MEFV: variants seen among roughly 807,000 people sequenced by gnomAD.
The protein encoded by MEFV is MEFV innate immunity regulator, pyrin.
Under a neutral mutation model 62.5 loss-of-function variants are expected in MEFV, and 60 were observed. The observed-to-expected ratio is 0.96, with a 90% CI of 0.78 to 1.19. MEFV has a LOEUF of 1.19. MEFV is among the 50% of genes most tolerant of loss of function. MEFV has a pLI of 0.00. For missense variants in MEFV, 1,169 were observed against 1,004.5 expected (o/e 1.16, Z -2.21); for synonymous variants, 500 against 415.2 (o/e 1.20, Z -2.48).
intron 2 of MEFV, among the ~76,000 whole-genome samples, chr16:3,251,729 C>A (rs1245035110): frequency 6.6e-6 from 1 of 152,140 alleles, no homozygotes; most frequent in Non-Finnish European, 1.5e-5. Flanking sequence ...GTATTTTTAA[C>A]CAGTCTTCCC....
At chr16:3,254,126 G>C in intron 2 of MEFV, 32 bp downstream of exon 2, 2 of 1,610,126 alleles carry the variant, frequency 1.2e-6, no homozygotes, top group Non-Finnish European at 1.7e-6. Context: ...TTTCTCTGCA[G>C]CCGATATAAA....
In MEFV at chr16:3,243,858, AC is replaced by A; in HGVS notation, c.1792+1del. 1.9e-6 allele frequency: 3 copies of A among 1,613,802 alleles called. No individual in the cohort carries two copies. Among genetic ancestry groups the A allele is most frequent in the Non-Finnish European group, 2.5e-6 (3 of 1,179,882 alleles). On this transcript the variant is annotated splice_donor_variant, in intron 9 of 9. Transcript: ENST00000219596. LOFTEE classifies it high-confidence loss of function. ...GCCACTTGCCTTGATCTGGGCACTT[AC>A]CAGCATGTGCCTGAGCGCCAATCAG...
intron 2 of MEFV, among the ~76,000 whole-genome samples, chr16:3,252,293 G>A: frequency 7.2e-6 from 1 of 139,038 alleles, no homozygotes; most frequent in Non-Finnish European, 1.5e-5. Context: ...TTTTTTTTGA[G>A]ACAGAGTTTT....
Position 3,246,920 on chromosome 16 carries a change from C to A in MEFV, c.1587+96G>T, listed in dbSNP as rs142314576. On this transcript the variant is annotated intron_variant, in intron 5 of 9. Transcript: ENST00000219596. The stretch of plus-strand genomic sequence containing the variant: ...CCTATCCTAGGCCTTAGGGGCTTCA[C>A]CCACTTGTTCCAGCACGGCTGATGG... 477 of 1,216,748 alleles carry A rather than the reference C, an allele frequency of 3.9e-4. 5 individuals are homozygous for A. In the East Asian group the frequency reaches 0.011, roughly 28 times the overall value. 75.4% of individuals were successfully genotyped at this position (1,216,748 alleles called of 1,614,324 possible).
At chr16:3,244,231 C>A (rs1217359234) in intron 8 of MEFV, 23 bp downstream of exon 8, 1 of 1,613,874 alleles carries the variant, frequency 6.2e-7, no homozygotes, top group South Asian at 1.1e-5. Flanking sequence ...CAGGCCAGCA[C>A]ACACCATTAC....
chr16:3,253,197 A>G (rs1959062659), intron 2 of MEFV, among the ~76,000 whole-genome samples: 1 of 152,106 alleles, frequency 6.6e-6, no homozygotes. Flanking sequence ...GCAAACTGGA[A>G]GAGGTGACTT....
chr16:3,251,900 A>T, intron 2 of MEFV: 1 of 274,640 alleles, frequency 3.6e-6, no homozygotes, highest in South Asian at 3.2e-5. Context: ...GCCCTAGAAG[A>T]CACCCAGGAA....
At chr16:3,247,974 C>G (rs527977993) in intron 4 of MEFV, 24 of 146,408 alleles carry the variant, frequency 1.6e-4, no homozygotes, top group African/African-American at 6.0e-4. Flanking sequence ...AACAAAAAAA[C>G]CAGCCCAGGC....
intron 1 of MEFV, among the ~76,000 whole-genome samples, chr16:3,255,154 T>C (rs572787694): frequency 1.1e-4 from 17 of 152,088 alleles, no homozygotes; most frequent in Admixed American, 1.0e-3. Flanking sequence ...CCGTTCCTAC[T>C]AAAAATAAGA....
At chr16:3,251,917 T>A (rs1206446414) in intron 2 of MEFV, 1 of 287,460 alleles carries the variant, frequency 3.5e-6, no homozygotes, top group Non-Finnish European at 7.4e-6. Context: ...GGAATCCCAA[T>A]GATATAAATA....
In MEFV at chr16:3,254,458, G is replaced by T. The variant is rs761031246; in HGVS notation, c.610C>A (p.Arg204Ser). The T allele has an allele frequency of 6.2e-7, 1 of 1,606,052 alleles. No individual in the cohort carries two copies. The highest frequency in any genetic ancestry group is 1.7e-5 in the Admixed American group (1 of 59,414). The change falls in exon 2 of 10, where the codon CGC becomes AGC. Residue 204 changes from arginine to serine, a missense_variant. Arg to Ser is a moderately radical substitution (Grantham distance 110). Coordinates refer to ENST00000219596, the MANE Select transcript of MEFV (RefSeq NM_000243.3). ...LEGGQAEVRLRRNASSAGRLQ... is the reference protein window; with the variant it reads ...LEGGQAEVRLSRNASSAGRLQ... The stretch of plus-strand genomic sequence containing the variant: ...CTCCCCGCGGAGCTGGCGTTTCTGC[G>T]CAGCCGGACCTCGGCCTGGCCCCCC...
chr16:3,250,064 C>T (rs1959010614), intron 2 of MEFV, among the ~76,000 whole-genome samples: 1 of 152,188 alleles, frequency 6.6e-6, no homozygotes, highest in African/African-American at 2.4e-5. Flanking sequence ...TCCTCCTGCA[C>T]AGACATAGAT....
In MEFV at chr16:3,254,573, G is replaced by T. The variant is rs224223; in HGVS notation, c.495C>A (p.Ala165=). 717,646 of 1,577,888 alleles carry T rather than the reference G, an allele frequency of 0.45. 169,953 individuals are homozygous for T. The highest frequency in any genetic ancestry group is 0.59 in the Admixed American group (32,682 of 55,184). ...RKPLSKRREK[A]SEGLDAQGKP... The stretch of plus-strand genomic sequence containing the variant: ...TGCCCTGCGCGTCCAGGCCCTCCGA[G>T]GCCTTCTCTCTGCGTTTGCTCAGGG... The change falls in exon 2 of 10, where the codon GCC becomes GCA. Residue 165 remains alanine, a synonymous_variant. Coordinates refer to ENST00000219596, the MANE Select transcript of MEFV (RefSeq NM_000243.3).
chr16:3,251,064 A>G (rs1959025865), intron 2 of MEFV, among the ~76,000 whole-genome samples: 1 of 150,724 alleles, frequency 6.6e-6, no homozygotes, highest in African/African-American at 2.4e-5. Flanking sequence ...AAACACACTC[A>G]ATCCTTTAGC....
Position 3,243,532 on chromosome 16 carries a change from C to T in MEFV, c.1955G>A (p.Arg652His), listed in dbSNP as rs766778566. The part of the protein sequence containing the change: ...VLGSPSFLSG[R>H]RYWEVEVGDK... ...TCCAACCTCCACCTCCCAGTAACGG[C>T]GGCCAGAGAGGAAACTCGGAGAGCC... Residue 652 changes from arginine to histidine, a missense_variant, in exon 10 of 10, where the codon CGC becomes CAC. Physicochemically the swap from Arg to His is conservative, Grantham distance 29. Coordinates refer to ENST00000219596, the MANE Select transcript of MEFV (RefSeq NM_000243.3). The T allele has an allele frequency of 8.7e-6, 14 of 1,613,556 alleles. No homozygotes were observed. Among genetic ancestry groups the T allele is most frequent in the Admixed American group, 1.7e-5 (1 of 59,946 alleles).
At position 3,249,761 on chromosome 16, in the gene MEFV, A is replaced by G. The variant is rs1259148831; in HGVS notation, c.930T>C (p.Ala310=). Residue 310 remains alanine, a synonymous_variant, in exon 3 of 10, where the codon GCT becomes GCC. Coordinates refer to ENST00000219596, the MANE Select transcript of MEFV (RefSeq NM_000243.3). ...CCTGGGCGTGGCAGCGGGGACTCGC[A>G]GCCGTGTCTGGTGGCCTTCCTGGGG... is the stretch of plus-strand genomic sequence containing the variant. ...HSVTGRPPDT[A]ASPRCHAQEG... 3 of 1,614,106 alleles carry G rather than the reference A, an allele frequency of 1.9e-6. No individual in the cohort carries two copies. The highest frequency in any genetic ancestry group is 2.5e-6 in the Non-Finnish European group (3 of 1,179,980).
At position 3,244,306 on chromosome 16, in the gene MEFV, G is replaced by A; in HGVS notation, c.1727-20C>T. On this transcript the variant is annotated intron_variant, in intron 7 of 9. Transcript: ENST00000219596. ...GGGTTTCTAAAATGTGGGAAAGGGA[G>A]CAGAGAGAAGCTGGAGTTAGGTCCC... 2 of 1,614,000 alleles carry A rather than the reference G, an allele frequency of 1.2e-6. No homozygotes were observed. The highest frequency in any genetic ancestry group is 1.7e-6 in the Non-Finnish European group (2 of 1,180,018).
At chr16:3,251,068 C>T (rs777270626) in intron 2 of MEFV, among the ~76,000 whole-genome samples, 139 of 150,954 alleles carry the variant, frequency 9.2e-4, no homozygotes, top group Non-Finnish European at 1.7e-3. Context: ...ACACTCAATC[C>T]TTTAGCCCCT....
At chr16:3,247,581 A>G in intron 4 of MEFV, 1 of 344,206 alleles carries the variant, frequency 2.9e-6, no homozygotes, top group Non-Finnish European at 5.5e-6. Context: ...ATTAGTTAAG[A>G]TGTGGTCCTA....
Sources: gnomAD v4.1 joint callset for allele counts (sites outside exome capture counted in the v4.1 genomes callset) on GRCh38, gnomAD v4.1.1 for gene constraint, MANE v1.5 for transcripts, NCBI Gene and HGNC (gene_info 2026-07-23, HGNC 2026-07-21) for gene names.